The following NAV2 variants were observed in gnomAD, a reference collection of about 807,000 sequenced individuals.
NAV2 encodes helicase, APC down-regulated 1.
In NAV2, 54 loss-of-function variants were observed where a neutral mutation model predicts 223.2. The observed-to-expected ratio is 0.24, with a 90% CI of 0.19 to 0.30. NAV2 has a LOEUF of 0.30. Ranked by LOEUF, NAV2 falls within the 10% of genes least tolerant of loss-of-function variation. The pLI, the probability that NAV2 is intolerant of heterozygous loss-of-function variation, is 1.00. For missense variants in NAV2, 2,806 were observed against 3,147.5 expected, an observed-to-expected ratio of 0.89 and a Z score of 2.60; for synonymous variants, 1,279 against 1,239.3, an observed-to-expected ratio of 1.03 and a Z score of -0.67.
At chr11:19,583,450 T>A (rs912974594) in intron 1 of NAV2, among the ~76,000 whole-genome samples, 1 of 152,216 alleles carries the variant, frequency 6.6e-6, no homozygotes, top group Non-Finnish European at 1.5e-5. Flanking sequence ...ATCCCTGTCT[T>A]GTGCCAGTTT....
At chr11:19,905,944 A>G (rs919078191) in intron 6 of NAV2, among the ~76,000 whole-genome samples, 6 of 152,172 alleles carry the variant, frequency 3.9e-5, no homozygotes, top group African/African-American at 1.2e-4. Context: ...AGTTTGGTGA[A>G]GCAGGTGCCT....
At chr11:20,056,064 C>T in intron 19 of NAV2, 107 bp downstream of exon 19, 1 of 1,041,322 alleles carries the variant, frequency 9.6e-7, no homozygotes, top group Admixed American at 2.4e-5. Flanking sequence ...CCTGAGAGCC[C>T]ACCTATAAGT....
chr11:20,059,410 A>T (rs762883162), intron 19 of NAV2, among the ~76,000 whole-genome samples: 2 of 152,228 alleles, frequency 1.3e-5, no homozygotes, highest in African/African-American at 2.4e-5. Context: ...GATGAGGGTC[A>T]GAGGCACTTG....
chr11:19,748,625 T>C lies in NAV2; in HGVS notation c.267+34663T>C, dbSNP rs541633238. Among the ~76,000 whole-genome samples the C allele has an allele frequency of 3.0e-4, 45 of 152,332 alleles. 1 individual carries two copies. Among genetic ancestry groups the C allele is most frequent in the African/African-American group, 1.0e-3 (43 of 41,590 alleles). The stretch of plus-strand genomic sequence containing the variant: ...GCACAGAGTAAGGAATGCATATCTG[T>C]TAAATGAATGAGTAGACATTGTCAT... On this transcript the variant is annotated intron_variant, in intron 1 of 37. Coordinates refer to ENST00000349880, the MANE Select transcript of NAV2 (RefSeq NM_145117.5).
intron 1 of NAV2, among the ~76,000 whole-genome samples, chr11:19,765,317 C>T (rs1188155004): frequency 6.6e-6 from 1 of 151,846 alleles, no homozygotes; most frequent in African/African-American, 2.4e-5. Context: ...ATCTTCTTCT[C>T]CTCCTCCTTC....
At position 20,097,698 on chromosome 11, in the gene NAV2, G is replaced by A. The variant is rs2061371511; in HGVS notation, c.6134G>A (p.Cys2045Tyr). ...TCCGAAACACCGGAGCTGCTTCCTT[G>A]TGGCTATCTGGTTGGAGAGAACACG... ...NTSETPELLP[C>Y]GYLVGENTTI... The change falls in exon 31 of 38, where the codon TGT becomes TAT. Residue 2045 changes from cysteine to tyrosine, a missense_variant. Physicochemically the swap from Cys to Tyr is radical, Grantham distance 194. This residue lies in a region of NAV2 where 824 missense variants were observed against 1,069.4 expected (regional missense o/e 0.77). Transcript: ENST00000349880. The A allele has an allele frequency of 3.1e-6, 5 of 1,611,774 alleles. No homozygotes were observed. The highest frequency in any genetic ancestry group is 1.3e-5 in the African/African-American group (1 of 74,780).
chr11:19,817,013 C>A (rs1051614966), intron 1 of NAV2, among the ~76,000 whole-genome samples: 14 of 152,054 alleles, frequency 9.2e-5, no homozygotes, highest in African/African-American at 3.4e-4. Flanking sequence ...GCTGTGTAAT[C>A]TTTCAGGAAA....
chr11:19,916,725 C>T (rs2043838899), intron 6 of NAV2, among the ~76,000 whole-genome samples: 1 of 152,162 alleles, frequency 6.6e-6, no homozygotes, highest in South Asian at 2.1e-4. Flanking sequence ...TTTTGGACTT[C>T]GAGGGCCATG....
intron 1 of NAV2, among the ~76,000 whole-genome samples, chr11:19,672,435 C>G (rs747666730): frequency 6.6e-6 from 1 of 152,196 alleles, no homozygotes; most frequent in African/African-American, 2.4e-5. Context: ...CTATTCCTGG[C>G]TCTGCCACCA....
rs1027458415 is a variant in NAV2 at position 19,968,164 on chromosome 11, C to T, written c.2646-15961C>T. ...CTACCTAGAGTTCATATGATGAAAA[C>T]AAATAGGGTGTTGTTGTTGATGTAG... On this transcript the variant is annotated intron_variant, in intron 10 of 37. Coordinates refer to ENST00000349880, the MANE Select transcript of NAV2 (RefSeq NM_145117.5). 2.2e-4 allele frequency among the ~76,000 whole-genome samples: 34 copies of T among 152,058 alleles called. 1 individual carries two copies. The highest frequency in any genetic ancestry group is 7.2e-5 in the African/African-American group (3 of 41,412).
At chr11:19,536,239 T>TAG (rs2044186013) in intron 1 of NAV2, among the ~76,000 whole-genome samples, 1 of 152,226 alleles carries the variant, frequency 6.6e-6, no homozygotes, top group Admixed American at 6.5e-5. Context: ...TCAACTTTCC[T>TAG]AGAGCTATCC....
At chr11:19,450,445 A>T (rs1392597770) in intron 1 of NAV2, among the ~76,000 whole-genome samples, 2 of 152,242 alleles carry the variant, frequency 1.3e-5, no homozygotes, top group African/African-American at 2.4e-5. Flanking sequence ...CACCGGAACC[A>T]GCCTAGGCAA....
intron 1 of NAV2, among the ~76,000 whole-genome samples, chr11:19,501,990 G>T (rs923460662): frequency 2.0e-5 from 3 of 152,040 alleles, no homozygotes; most frequent in Admixed American, 6.6e-5. Flanking sequence ...ACAGTCGATG[G>T]GTCTCAAGTC....
At chr11:20,051,865 A>G (rs567200755) in intron 17 of NAV2, among the ~76,000 whole-genome samples, 3 of 152,314 alleles carry the variant, frequency 2.0e-5, no homozygotes, top group Admixed American at 1.3e-4. Flanking sequence ...TCATTGCCCA[A>G]CAAGACATGG....
chr11:19,535,962 A>G (rs936595743), intron 1 of NAV2, among the ~76,000 whole-genome samples: 5 of 152,168 alleles, frequency 3.3e-5, no homozygotes, highest in African/African-American at 1.2e-4. Flanking sequence ...CCAGTATCAT[A>G]ACTAGGAAAA....
chr11:20,066,549 C>T (rs1838137219), intron 20 of NAV2, among the ~76,000 whole-genome samples: 1 of 152,118 alleles, frequency 6.6e-6, no homozygotes, highest in Non-Finnish European at 1.5e-5. Flanking sequence ...AGGAGCCAAC[C>T]TAGAGGAGGG....
chr11:19,917,257 G>A (rs2043879965), intron 6 of NAV2, among the ~76,000 whole-genome samples: 1 of 152,186 alleles, frequency 6.6e-6, no homozygotes, highest in Admixed American at 6.5e-5. Context: ...TTCTGAACAA[G>A]AAGCCCACCT....
intron 1 of NAV2, among the ~76,000 whole-genome samples, chr11:19,716,006 A>G (rs1459809810): frequency 1.3e-5 from 2 of 151,988 alleles, no homozygotes; most frequent in Non-Finnish European, 2.9e-5. Context: ...ATGGGATTTT[A>G]CCTTCTTTGC....
At chr11:20,005,253 A>ATATATATATATTTTTTT (rs1277010848) in intron 11 of NAV2, among the ~76,000 whole-genome samples, 1 of 134,554 alleles carries the variant, frequency 7.4e-6, no homozygotes, top group Non-Finnish European at 1.6e-5. Context: ...ATATATATAT[A>ATATATATATATTTTTTT]TTTTTTTTTT....
Sources: allele counts gnomAD v4.1 joint callset (sites outside exome capture counted in the v4.1 genomes callset), GRCh38; gene constraint gnomAD v4.1.1; regional missense constraint gnomAD v4.1.1; transcripts MANE v1.5; gene names NCBI Gene and HGNC (gene_info 2026-07-23, HGNC 2026-07-21).